TBC1D19: variants seen among roughly 807,000 people sequenced by gnomAD.
TBC1D19 encodes the protein TBC1 domain family, member 19.
TBC1D19 carries 60 observed loss-of-function variants against 89.0 expected under a neutral mutation model. The observed-to-expected ratio is 0.67, with a 90% CI of 0.55 to 0.84. The LOEUF (loss-of-function observed/expected upper bound fraction) is 0.84. Ranked by LOEUF, TBC1D19 falls within the 40% of genes least tolerant of loss-of-function variation. TBC1D19 has a pLI of 0.00. For synonymous variants in TBC1D19, 189 were observed against 199.7 expected (o/e 0.95, Z 0.45); for missense variants, 500 against 610.8 (o/e 0.82, Z 1.91).
intron 7 of TBC1D19, among the ~76,000 whole-genome samples, chr4:26,642,327 C>T (rs897502504): frequency 6.6e-6 from 1 of 152,192 alleles, no homozygotes; most frequent in African/African-American, 2.4e-5. Context: ...TCCAGCCAAA[C>T]TAAGCTTCGT....
chr4:26,620,816 A>G (rs1257363636), intron 4 of TBC1D19, 128 bp downstream of exon 4: 1 of 729,652 alleles, frequency 1.4e-6, no homozygotes, highest in Non-Finnish European at 2.1e-6. Context: ...CACTAAATTT[A>G]TGTTAATAGT....
At chr4:26,687,937 A>G (rs1003280872) in intron 12 of TBC1D19, among the ~76,000 whole-genome samples, 2 of 152,126 alleles carry the variant, frequency 1.3e-5, no homozygotes, top group African/African-American at 4.8e-5. Flanking sequence ...AAAGGCATGG[A>G]AGATATTTGG....
intron 15 of TBC1D19, among the ~76,000 whole-genome samples, chr4:26,727,961 GA>G (rs1413836305): frequency 9.2e-5 from 14 of 152,056 alleles, no homozygotes; most frequent in Non-Finnish European, 1.5e-4. Context: ...GCTACTTAAA[GA>G]GAAGCTATAG....
intron 1 of TBC1D19, among the ~76,000 whole-genome samples, chr4:26,607,080 A>G (rs1741060795): frequency 6.6e-6 from 1 of 152,182 alleles, no homozygotes; most frequent in African/African-American, 2.4e-5. Flanking sequence ...ATGTGTTTCT[A>G]GGAGTGCAGA....
chr4:26,830,596 T>C, the TBC1D19 span, among the ~76,000 whole-genome samples: 1 of 152,216 alleles, frequency 6.6e-6, no homozygotes, highest in African/African-American at 2.4e-5. Flanking sequence ...AACCACCAGA[T>C]TGAAGCTTCT....
intron 15 of TBC1D19, among the ~76,000 whole-genome samples, chr4:26,729,016 A>G (rs190671753): frequency 3.9e-5 from 6 of 151,938 alleles, no homozygotes; most frequent in Admixed American, 3.9e-4. Context: ...CTCCGTCTCA[A>G]AAAAAGAAAA....
the TBC1D19 span, among the ~76,000 whole-genome samples, chr4:26,772,906 A>G: frequency 6.6e-6 from 1 of 152,160 alleles, no homozygotes; most frequent in Admixed American, 6.5e-5. Context: ...TGCTATTGTA[A>G]ATAGTGCTGC....
At chr4:26,581,007 C>G (rs977082299), upstream of TBC1D19, among the ~76,000 whole-genome samples, 5 of 152,202 alleles carry the variant, frequency 3.3e-5, no homozygotes, top group Admixed American at 3.3e-4. Context: ...CCCAGAAGTA[C>G]CTCTGTCCTA....
At chr4:26,757,532 T>C (rs551645991), downstream of TBC1D19, among the ~76,000 whole-genome samples, 286 of 152,332 alleles carry the variant, frequency 1.9e-3, no homozygotes, top group African/African-American at 6.7e-3. Context: ...CACCCACTAA[T>C]GTGATATGTT....
chr4:26,631,371 C>T (rs536606568), intron 4 of TBC1D19, among the ~76,000 whole-genome samples: 1 of 152,178 alleles, frequency 6.6e-6, no homozygotes, highest in Non-Finnish European at 1.5e-5. Context: ...TCTTATCCTC[C>T]TGACTTCCAC....
chr4:26,852,436 G>A, the TBC1D19 span, among the ~76,000 whole-genome samples: 1 of 152,054 alleles, frequency 6.6e-6, no homozygotes, highest in Non-Finnish European at 1.5e-5. Flanking sequence ...ACATGCCTGT[G>A]GTCTCAGCTA....
chr4:26,787,068 G>A, the TBC1D19 span, among the ~76,000 whole-genome samples: 1 of 151,808 alleles, frequency 6.6e-6, no homozygotes, highest in Non-Finnish European at 1.5e-5. Flanking sequence ...TGAAGCACCT[G>A]GCATGTGGTA....
the TBC1D19 span, among the ~76,000 whole-genome samples, chr4:26,798,419 T>C: frequency 6.6e-6 from 1 of 152,096 alleles, no homozygotes; most frequent in Non-Finnish European, 1.5e-5. Flanking sequence ...GGTATGGATG[T>C]GGAGAAAAGG....
chr4:26,624,085 T>C (rs1283900905), intron 4 of TBC1D19, among the ~76,000 whole-genome samples: 1 of 152,184 alleles, frequency 6.6e-6, no homozygotes, highest in Admixed American at 6.5e-5. Context: ...TTCCACTTTG[T>C]CAGTCTCTGC....
chr4:26,642,855 G>T (rs1390093285), intron 7 of TBC1D19, among the ~76,000 whole-genome samples: 8 of 152,118 alleles, frequency 5.3e-5, no homozygotes, highest in Non-Finnish European at 1.2e-4. Flanking sequence ...TAATGGTAAG[G>T]GATCAATTCA....
intron 7 of TBC1D19, among the ~76,000 whole-genome samples, chr4:26,658,710 T>C (rs1221680317): frequency 1.3e-5 from 2 of 152,166 alleles, no homozygotes; most frequent in African/African-American, 4.8e-5. Flanking sequence ...ATTCTTCCCA[T>C]CCATGAGCAT....
At chr4:26,824,906 C>T in the TBC1D19 span, among the ~76,000 whole-genome samples, 1 of 152,192 alleles carries the variant, frequency 6.6e-6, no homozygotes, top group African/African-American at 2.4e-5. Context: ...TTGCTGGGTA[C>T]AGAGCATGCC....
In TBC1D19 at chr4:26,628,015, T is replaced by G. The variant is rs534496737; in HGVS notation, c.294+7327T>G. On this transcript the variant is annotated intron_variant, in intron 4 of 20. Coordinates refer to ENST00000264866, the MANE Select transcript of TBC1D19 (RefSeq NM_018317.4). ...GGTTTTCTTCTAGGGTTTTTATGGTTTTAGGTCTAACGTTTAAGTCTTTAA... is the reference window on the plus strand; with the variant it reads ...GGTTTTCTTCTAGGGTTTTTATGGTGTTAGGTCTAACGTTTAAGTCTTTAA... Among the ~76,000 whole-genome samples, 8 of 152,298 alleles carry G rather than the reference T, an allele frequency of 5.3e-5. No individual in the cohort carries two copies. The South Asian group carries it at 1.7e-3, about 32-fold the overall frequency.
the TBC1D19 span, among the ~76,000 whole-genome samples, chr4:26,822,647 C>T: frequency 2.0e-5 from 3 of 152,042 alleles, no homozygotes; most frequent in East Asian, 1.9e-4. Flanking sequence ...ACAGCAGGCT[C>T]GTTTAAATGG....
Sources: gnomAD v4.1 joint callset for allele counts (sites outside exome capture counted in the v4.1 genomes callset) on GRCh38, gnomAD v4.1.1 for gene constraint, MANE v1.5 for transcripts, NCBI Gene and HGNC (gene_info 2026-07-23, HGNC 2026-07-21) for gene names.